Variants in ZNF480 observed in about 807,000 individuals in gnomAD.
ZNF480 encodes zinc finger protein 480.
ZNF480 carries 15 observed loss-of-function variants against 14.4 expected under a neutral mutation model. The ratio of observed to expected loss-of-function variants is 1.04; its 90% CI spans 0.70 to 1.60. ZNF480 has a LOEUF of 1.60. Ranked by LOEUF, ZNF480 falls within the 40% of genes most tolerant of loss-of-function variation. The pLI is 0.00. For synonymous variants in ZNF480, 218 were observed against 215.5 expected (o/e 1.01, Z -0.10); for missense variants, 593 against 629.7 (o/e 0.94, Z 0.62).
rs550263715 is a variant in ZNF480 at position 52,323,004 on chromosome 19, A to G, written c.*146A>G. 4.8e-6 allele frequency: 3 copies of G among 624,680 alleles called. No homozygotes were observed. In the South Asian group the frequency reaches 1.1e-4, roughly 23 times the overall value. The allele number at this position is 624,680 out of a possible 1,614,324, so 38.7% of individuals were successfully genotyped here. A position where few individuals can be genotyped will look rare whatever the true frequency, so the allele number is the denominator to read the frequency against. On this transcript the variant is annotated 3_prime_UTR_variant, in exon 5 of 5. Coordinates refer to ENST00000595962, the MANE Select transcript of ZNF480 (RefSeq NM_144684.4). ...ACACAAGTTTTTCTAATAACTCATT[A>G]GAGAATTTATACTGGAGAGACTTCA...
chr19:52,310,994 G>C (rs1983253199), intron 2 of ZNF480, among the ~76,000 whole-genome samples: 1 of 115,736 alleles, frequency 8.6e-6, no homozygotes. Context: ...GACAGAGCGA[G>C]ATTCCGCCTC....
chr19:52,310,771 C>T (rs321910), intron 2 of ZNF480, among the ~76,000 whole-genome samples: 7,829 of 151,320 alleles, frequency 0.052, 343 homozygotes, highest in African/African-American at 0.11. Flanking sequence ...GAGGCCGAGG[C>T]GGGTGGATCA....
intron 2 of ZNF480, among the ~76,000 whole-genome samples, chr19:52,305,195 A>T (rs1285523505): frequency 2.0e-5 from 3 of 152,208 alleles, no homozygotes; most frequent in African/African-American, 7.2e-5. Context: ...CTGCTTTGAT[A>T]TACTTTAGGG....
intron 4 of ZNF480, among the ~76,000 whole-genome samples, chr19:52,319,116 G>A (rs1055598566): frequency 3.3e-5 from 5 of 152,010 alleles, no homozygotes; most frequent in South Asian, 2.1e-4. Context: ...TGCCCGCCTC[G>A]GCCTCCCAGA....
chr19:52,312,234 C>T (rs1396186532), intron 2 of ZNF480, among the ~76,000 whole-genome samples: 2 of 151,490 alleles, frequency 1.3e-5, no homozygotes, highest in East Asian at 1.9e-4. Context: ...AATCTCGGCT[C>T]ACTGCAATCT....
At chr19:52,304,628 C>T (rs1279727251) in intron 2 of ZNF480, among the ~76,000 whole-genome samples, 1 of 152,014 alleles carries the variant, frequency 6.6e-6, no homozygotes, top group Non-Finnish European at 1.5e-5. Context: ...TTTTGTCCTT[C>T]TGCTTGAAGT....
chr19:52,322,069 C>T lies in ZNF480; in HGVS notation c.819C>T (p.Asn273=). 6.2e-7 allele frequency: 1 copy of T among 1,613,940 alleles called. No individual in the cohort carries two copies. The highest frequency in any genetic ancestry group is 8.5e-7 in the Non-Finnish European group (1 of 1,179,984). ...GCAAGGTTTTTAGTTACAATTCAAA[C>T]TTTGCACGACATCAAAGAATTCATA... ...VCGKVFSYNS[N]FARHQRIHTR... Residue 273 remains asparagine, a synonymous_variant, in exon 5 of 5, where the codon AAC becomes AAT. Coordinates refer to ENST00000595962, the MANE Select transcript of ZNF480 (RefSeq NM_144684.4).
intron 2 of ZNF480, among the ~76,000 whole-genome samples, chr19:52,310,805 C>G (rs1254522774): frequency 6.6e-6 from 1 of 151,376 alleles, no homozygotes; most frequent in Non-Finnish European, 1.5e-5. Flanking sequence ...TCGAGACCAT[C>G]CTGGCTAACA....
chr19:52,313,132 CTCT>C (rs1400437056), intron 2 of ZNF480, among the ~76,000 whole-genome samples: 6 of 67,506 alleles, frequency 8.9e-5, no homozygotes, highest in African/African-American at 6.3e-4. Context: ...ATAATTCTTT[CTCT>C]TTTTTTTTTT....
At position 52,315,934 on chromosome 19, in the gene ZNF480, G is replaced by T. The variant is rs746314108; in HGVS notation, c.300G>T (p.Gly100=). Residue 100 remains glycine, a synonymous_variant, in exon 4 of 5, where the codon GGG becomes GGT. Coordinates refer to ENST00000595962, the MANE Select transcript of ZNF480 (RefSeq NM_144684.4). ...TGAAAATAGCAAAAAATTCAGATGGGAGGGAGTGCATCAAAGGTGTGAACA... is the reference window on the plus strand; with the variant it reads ...TGAAAATAGCAAAAAATTCAGATGGTAGGGAGTGCATCAAAGGTGTGAACA... ...SEVKIAKNSD[G]RECIKGVNTG... The T allele has an allele frequency of 6.2e-7, 1 of 1,612,332 alleles. No individual in the cohort carries two copies. The highest frequency in any genetic ancestry group is 8.5e-7 in the Non-Finnish European group (1 of 1,178,834).
Position 52,322,139 on chromosome 19 carries a change from A to G in ZNF480, c.889A>G (p.Ser297Gly), listed in dbSNP as rs1983857266. The change falls in exon 5 of 5, where the codon AGT (serine) becomes GGT (glycine). Residue 297 changes from serine to glycine, a missense_variant. Ser to Gly is a moderately conservative substitution (Grantham distance 56). Coordinates refer to ENST00000595962, the MANE Select transcript of ZNF480 (RefSeq NM_144684.4). ...ATGTAATGAATGTGGTAAAGTCTTC[A>G]GTAATAATTCTTACCTTGCACGACA... ...YECNECGKVF[S>G]NNSYLARHQR... is the part of the protein sequence containing the mutation. 6.2e-7 allele frequency: 1 copy of G among 1,614,014 alleles called. No individual in the cohort carries two copies. Among genetic ancestry groups the G allele is most frequent in the African/African-American group, 1.3e-5 (1 of 75,060 alleles).
intron 4 of ZNF480, among the ~76,000 whole-genome samples, chr19:52,319,759 T>G (rs1983717844): frequency 6.6e-6 from 1 of 152,046 alleles, no homozygotes; most frequent in Non-Finnish European, 1.5e-5. Context: ...TATTAGCGTT[T>G]ATTTGCTTTT....
intron 4 of ZNF480, among the ~76,000 whole-genome samples, chr19:52,320,674 C>T (rs1403119681): frequency 1.3e-5 from 2 of 152,170 alleles, no homozygotes; most frequent in African/African-American, 4.8e-5. Context: ...CACCTGTAGT[C>T]CCAGTTACTC....
At position 52,321,643 on chromosome 19, in the gene ZNF480, C is replaced by T; in HGVS notation, c.393C>T (p.Ser131=). ...CAATTAAAAAACAACTTGGAGTATCCTTTCACTTACATCTGTCTGAACTGG... is the reference window on the plus strand; with the variant it reads ...CAATTAAAAAACAACTTGGAGTATCTTTTCACTTACATCTGTCTGAACTGG... ...DKPIKKQLGV[S]FHLHLSELEL... is the part of the protein sequence containing the mutation. The change falls in exon 5 of 5, where the codon TCC becomes TCT. Residue 131 remains serine, a synonymous_variant. Transcript: ENST00000595962. The T allele has an allele frequency of 6.2e-7, 1 of 1,612,532 alleles. No homozygotes were observed. The highest frequency in any genetic ancestry group is 8.5e-7 in the Non-Finnish European group (1 of 1,179,020).
rs1173329028 is a variant in ZNF480, at chr19:52,314,035, T to TGG, written c.73-115_73-114dup. On this transcript the variant is annotated intron_variant, in intron 2 of 4. Transcript: ENST00000595962. ...CATAACTACATCACAGATACCTTAA[T>TGG]GGGGATTCGTCAGAACATTCTCTTC... The TGG allele has an allele frequency of 4.4e-6, 5 of 1,146,528 alleles. No homozygotes were observed. In the Admixed American group the frequency reaches 1.2e-4, roughly 27 times the overall value. The allele number at this position is 1,146,528 out of a possible 1,614,324, so 71.0% of individuals were successfully genotyped here. A position where few individuals can be genotyped will look rare whatever the true frequency, so the allele number is the denominator to read the frequency against.
chr19:52,297,335 C>G, intron 1 of ZNF480, 112 bp downstream of exon 1: 1 of 388,632 alleles, frequency 2.6e-6, no homozygotes, highest in South Asian at 1.8e-5. Context: ...CTCCCTCTAC[C>G]CCGACCAAAT....
intron 2 of ZNF480, chr19:52,307,318 C>CA (rs1295949594): frequency 6.6e-6 from 1 of 152,312 alleles, no homozygotes; most frequent in East Asian, 1.9e-4. Flanking sequence ...GAAGGAGACT[C>CA]AAATAAGCCT....
Position 52,321,991 on chromosome 19 carries a change from A to G in ZNF480, c.741A>G (p.Ala247=). ...TCTTTAGTCGCAATTCACACCTTGC[A>G]GAACATTGTAGAATTCATACTGGAG... ...GKVFSRNSHL[A]EHCRIHTGEK... The change falls in exon 5 of 5, where the codon GCA becomes GCG. Residue 247 remains alanine (A), a synonymous_variant. Transcript: ENST00000595962. 2.5e-6 allele frequency: 4 copies of G among 1,612,458 alleles called. No individual in the cohort carries two copies. Among genetic ancestry groups the G allele is most frequent in the Non-Finnish European group, 3.4e-6 (4 of 1,178,632 alleles).
rs375991215 is a variant in ZNF480, at chr19:52,322,274, C to A, written c.1024C>A (p.Pro342Thr). ...NHWRIYTGEKPYKCDECGKAF... is the reference protein window; with the variant it reads ...NHWRIYTGEKTYKCDECGKAF... Reference sequence around the variant, plus strand: ...TTGGAGAATTTATACTGGAGAGAAGCCTTACAAATGTGATGAATGTGGCAA... The same window carrying A: ...TTGGAGAATTTATACTGGAGAGAAGACTTACAAATGTGATGAATGTGGCAA... Residue 342 changes from proline to threonine, a missense_variant, in exon 5 of 5, where the codon CCT becomes ACT. By Grantham distance (38) the Pro-to-Thr change is conservative. Coordinates refer to ENST00000595962, the MANE Select transcript of ZNF480 (RefSeq NM_144684.4). The A allele has an allele frequency of 3.7e-5, 59 of 1,613,904 alleles. 1 individual carries two copies. Among genetic ancestry groups the A allele is most frequent in the Non-Finnish European group, 4.9e-5 (58 of 1,179,984 alleles).
Sources: allele counts gnomAD v4.1 joint callset (sites outside exome capture counted in the v4.1 genomes callset), GRCh38; gene constraint gnomAD v4.1.1; transcripts MANE v1.5; gene names NCBI Gene and HGNC (gene_info 2026-07-23, HGNC 2026-07-21).